TAF15: variants seen among roughly 807,000 people sequenced by gnomAD.
The protein encoded by TAF15 is TATA-box binding protein associated factor 15.
A neutral mutation model predicts 102.5 loss-of-function variants in TAF15; 37 were observed. The observed-to-expected ratio is 0.36, with a 90% CI of 0.28 to 0.47. The LOEUF (loss-of-function observed/expected upper bound fraction) is 0.47, where lower values mean the gene tolerates loss of function less well. Ranked by LOEUF, TAF15 falls within the 20% of genes least tolerant of loss-of-function variation. The pLI is 0.99. For missense variants in TAF15, 652 were observed against 760.7 expected (o/e 0.86, Z 1.68); for synonymous variants, 273 against 259.2 (o/e 1.05, Z -0.51).
intron 1 of TAF15, chr17:35,809,870 G>A (rs2087104668): frequency 1.7e-6 from 1 of 578,080 alleles, no homozygotes; most frequent in African/African-American, 1.9e-5. Flanking sequence ...TCGGGGGGCG[G>A]AGGCCGTCTA....
At chr17:35,817,126 A>C (rs2087205375) in intron 1 of TAF15, 1 of 152,218 alleles carries the variant, frequency 6.6e-6, no homozygotes, top group Non-Finnish European at 1.5e-5. Context: ...TTGATTGCTA[A>C]ATTGAAGCTA....
intron 9 of TAF15, 57 bp downstream of exon 9, chr17:35,834,655 G>C: frequency 6.9e-7 from 1 of 1,450,626 alleles, no homozygotes; most frequent in Non-Finnish European, 9.6e-7. Flanking sequence ...TTTTTTTTTT[G>C]ATGGGAAAAG....
intron 1 of TAF15, chr17:35,810,719 A>T (rs1262730057): frequency 2.6e-5 from 4 of 152,256 alleles, no homozygotes; most frequent in Non-Finnish European, 5.9e-5. Flanking sequence ...CAAAAAACCC[A>T]GGTACCCGGT....
At chr17:35,824,523 A>C (rs896527891) in intron 7 of TAF15, among the ~76,000 whole-genome samples, 3 of 152,150 alleles carry the variant, frequency 2.0e-5, no homozygotes, top group Admixed American at 1.3e-4. Context: ...CGACTCTGGG[A>C]AATCCAGTGT....
Position 35,844,962 on chromosome 17 carries a change from G to A in TAF15, c.1663G>A (p.Gly555Ser). The change falls in exon 15 of 16, where the codon GGT becomes AGT. Residue 555 changes from glycine to serine, a missense_variant. By Grantham distance (56) the Gly-to-Ser change is moderately conservative. Coordinates refer to ENST00000605844, the MANE Select transcript of TAF15 (RefSeq NM_139215.3). The part of the protein sequence containing the change: ...RSGGYGGDRS[G>S]GGYGGDRGGG... ...TGGAGGCTATGGAGGAGACAGGAGT[G>A]GTGGCGGCTATGGAGGAGACCGAGG... 2 of 1,612,712 alleles carry A rather than the reference G, an allele frequency of 1.2e-6. No homozygotes were observed. The highest frequency in any genetic ancestry group is 1.7e-6 in the Non-Finnish European group (2 of 1,179,132).
At chr17:35,836,843 TGTC>T (rs1272909363) in intron 10 of TAF15, among the ~76,000 whole-genome samples, 1 of 152,024 alleles carries the variant, frequency 6.6e-6, no homozygotes, top group Non-Finnish European at 1.5e-5. Context: ...AGTGGCGCGA[TGTC>T]GGCTCACTGC....
rs188886167 is a variant in TAF15, at chr17:35,845,723, G to A, written c.1739+685G>A. Among the ~76,000 whole-genome samples the A allele has an allele frequency of 1.8e-4, 27 of 152,228 alleles. No homozygotes were observed. The East Asian group carries it at 4.6e-3, about 26-fold the overall frequency. On this transcript the variant is annotated intron_variant, in intron 15 of 15. Coordinates refer to ENST00000605844, the MANE Select transcript of TAF15 (RefSeq NM_139215.3). ...ACGGGGTTTCACCATGTTAGACCTC[G>A]TGATCCACCCGCCTCGGCCTCCCAA...
intron 7 of TAF15, among the ~76,000 whole-genome samples, chr17:35,826,764 C>T (rs1214058740): frequency 1.4e-5 from 2 of 144,774 alleles, no homozygotes; most frequent in African/African-American, 2.6e-5. Context: ...GATGGGGTTT[C>T]ACCGTGTTAG....
At chr17:35,838,601 T>TC in intron 11 of TAF15, 48 bp downstream of exon 11, 3 of 1,613,614 alleles carry the variant, frequency 1.9e-6, no homozygotes, top group Non-Finnish European at 2.5e-6. Flanking sequence ...ATAAATGTTT[T>TC]CTAGTCTGAA....
chr17:35,820,991 T>A (rs1246848524), intron 5 of TAF15, among the ~76,000 whole-genome samples: 2 of 152,204 alleles, frequency 1.3e-5, no homozygotes, highest in Non-Finnish European at 2.9e-5. Flanking sequence ...CAAGTTACTT[T>A]TTAAAAATTG....
chr17:35,846,870 T>G, intron 15 of TAF15, 36 bp from the exon 16 acceptor site: 1 of 1,613,722 alleles, frequency 6.2e-7, no homozygotes, highest in Non-Finnish European at 8.5e-7. Context: ...CGTAGAAAAT[T>G]AGAATTTAGT....
Position 35,844,753 on chromosome 17 carries a change from G to C in TAF15, c.1454G>C (p.Gly485Ala). Residue 485 changes from glycine (G) to alanine (A), a missense_variant, in exon 15 of 16, where the codon GGC (glycine) becomes GCC (alanine). By Grantham distance (60) the Gly-to-Ala change is moderately conservative. Coordinates refer to ENST00000605844, the MANE Select transcript of TAF15 (RefSeq NM_139215.3). ...RGGGYGGDRG[G>A]YGGDRGGGYG... ...GGTGGCTATGGAGGAGATCGAGGTGGCTATGGAGGAGACCGAGGTGGAGGC... is the reference window on the plus strand; with the variant it reads ...GGTGGCTATGGAGGAGATCGAGGTGCCTATGGAGGAGACCGAGGTGGAGGC... 6.2e-7 allele frequency: 1 copy of C among 1,612,316 alleles called. No homozygotes were observed.
intron 6 of TAF15, 59 bp from the exon 7 acceptor site, chr17:35,824,019 T>C (rs1316568992): frequency 6.2e-7 from 1 of 1,612,366 alleles, no homozygotes; most frequent in Non-Finnish European, 8.5e-7. Flanking sequence ...TTTAACATTG[T>C]TATTTGAAGC....
At chr17:35,814,335 A>C (rs2087167064) in intron 1 of TAF15, among the ~76,000 whole-genome samples, 1 of 151,746 alleles carries the variant, frequency 6.6e-6, no homozygotes, top group South Asian at 2.1e-4. Flanking sequence ...CGTCCGGCTA[A>C]TTTTCTGTAT....
chr17:35,810,885 CTACT>C (rs1451558215), intron 1 of TAF15: 6 of 152,224 alleles, frequency 3.9e-5, no homozygotes, highest in African/African-American at 1.4e-4. Flanking sequence ...GGGTGCCCAT[CTACT>C]TCATATAAGA....
intron 6 of TAF15, chr17:35,823,706 CAAAAAAAAAAA>C (rs57004932): frequency 1.3e-4 from 21 of 161,438 alleles, no homozygotes; most frequent in Admixed American, 1.9e-4. Flanking sequence ...CTCTTGTCTC[CAAAAAAAAAAA>C]AAAAAAAAAA....
intron 1 of TAF15, among the ~76,000 whole-genome samples, chr17:35,815,785 T>A (rs1246496572): frequency 6.6e-6 from 1 of 152,184 alleles, no homozygotes; most frequent in Non-Finnish European, 1.5e-5. Context: ...TCTAATCTCT[T>A]AATGGTCTAA....
intron 7 of TAF15, among the ~76,000 whole-genome samples, chr17:35,826,301 T>C (rs999718957): frequency 2.0e-5 from 3 of 152,136 alleles, no homozygotes; most frequent in Admixed American, 1.3e-4. Flanking sequence ...TATACTCTGT[T>C]ATTTGTTGAG....
intron 6 of TAF15, among the ~76,000 whole-genome samples, chr17:35,823,428 A>C (rs1022229949): frequency 3.9e-5 from 6 of 152,086 alleles, no homozygotes; most frequent in Non-Finnish European, 8.8e-5. Context: ...GGCCGGGCGC[A>C]GTGGCTCACG....
Sources: gnomAD v4.1 joint callset for allele counts (sites outside exome capture counted in the v4.1 genomes callset) on GRCh38, gnomAD v4.1.1 for gene constraint, MANE v1.5 for transcripts, NCBI Gene and HGNC (gene_info 2026-07-23, HGNC 2026-07-21) for gene names.